NACC1: variants seen among roughly 807,000 people sequenced by gnomAD.
NACC1 encodes the protein nucleus accumbens-associated protein 1.
A neutral mutation model predicts 41.7 loss-of-function variants in NACC1; 6 were observed. That is an observed-to-expected ratio of 0.14 (90% CI 0.08 to 0.28). NACC1 has a LOEUF of 0.28. Among genes scored for constraint, NACC1 ranks in the 10% least tolerant of loss-of-function variants. The pLI is 1.00. For synonymous variants in NACC1, 338 were observed against 330.6 expected, an observed-to-expected ratio of 1.02 and a Z score of -0.24; for missense variants, 434 against 763.7, an observed-to-expected ratio of 0.57 and a Z score of 5.09.
rs769693821 is a variant in NACC1, at chr19:13,138,466, A to G, written c.*60A>G. ...CTCCCAACACACACACACACCTGCC[A>G]TCTTGGTCATGAGCTACTGTCTGTC... On this transcript the variant is annotated 3_prime_UTR_variant, in exon 6 of 6. Coordinates refer to ENST00000292431, the MANE Select transcript of NACC1 (RefSeq NM_052876.4). This position sits in a 1 kb window ranked among gnomAD's most constrained non-coding sequence, Gnocchi z 5.7. 728 of 1,580,676 alleles carry G rather than the reference A, an allele frequency of 4.6e-4. No homozygotes were observed. Among genetic ancestry groups the G allele is most frequent in the Non-Finnish European group, 6.0e-4 (705 of 1,167,734 alleles).
chr19:13,132,375 C>T (rs958918934), intron 1 of NACC1: 1 of 148,180 alleles, frequency 6.7e-6, no homozygotes, highest in African/African-American at 2.5e-5. Context: ...CACCACTGCA[C>T]TCCAGCCTGG....
rs2019744118 is a variant in NACC1 at position 13,138,788 on chromosome 19, CCT to C, written c.*384_*385del. ...CTCGCGGAAGCCTTCAGCCTCCGCC[CCT>C]CACTGCAGCCCCTTGGGACTTGAGG... On this transcript the variant is annotated 3_prime_UTR_variant, in exon 6 of 6. Transcript: ENST00000292431. The surrounding 1 kb of genome is among the most constrained non-coding windows in gnomAD (Gnocchi z 5.7). 4.1e-6 allele frequency: 1 copy of C among 244,974 alleles called. No individual in the cohort carries two copies. Among genetic ancestry groups the C allele is most frequent in the Non-Finnish European group, 8.1e-6 (1 of 123,110 alleles). The allele number at this position is 244,974 out of a possible 1,614,324, so 15.2% of individuals were successfully genotyped here.
chr19:13,130,582 C>A (rs889780711), intron 1 of NACC1, among the ~76,000 whole-genome samples: 3 of 142,258 alleles, frequency 2.1e-5, no homozygotes, highest in Non-Finnish European at 4.5e-5. Context: ...GTTGCCCAGG[C>A]TGGAGTGTAG....
chr19:13,134,045 G>GT (rs1168105731), intron 1 of NACC1, among the ~76,000 whole-genome samples: 2 of 152,116 alleles, frequency 1.3e-5, no homozygotes, highest in Non-Finnish European at 2.9e-5. Context: ...ATGTTTTCAT[G>GT]TAAGTTATTT....
upstream of NACC1, chr19:13,117,461 G>A (rs1408063034): frequency 6.6e-6 from 1 of 152,158 alleles, no homozygotes; most frequent in East Asian, 1.9e-4. Flanking sequence ...TGTCGCTTTT[G>A]AGCCTGTGTT....
At chr19:13,130,585 G>C (rs2019622109) in intron 1 of NACC1, among the ~76,000 whole-genome samples, 1 of 147,938 alleles carries the variant, frequency 6.8e-6, no homozygotes, top group South Asian at 2.1e-4. Flanking sequence ...GCCCAGGCTG[G>C]AGTGTAGTGA....
In NACC1 at chr19:13,138,723, T is replaced by G; in HGVS notation, c.*317T>G. ...GGCCCACCAGGGGAGGGGGCTGGCC[T>G]GGGGGTCTTGGGAAGGCCCCTCCCC... On this transcript the variant is annotated 3_prime_UTR_variant, in exon 6 of 6. Transcript: ENST00000292431. This position sits in a 1 kb window ranked among gnomAD's most constrained non-coding sequence, Gnocchi z 5.7. The G allele has an allele frequency of 2.7e-6, 1 of 373,794 alleles. No individual in the cohort carries two copies. Among genetic ancestry groups the G allele is most frequent in the East Asian group, 5.5e-5 (1 of 18,204 alleles). 23.2% of individuals were successfully genotyped at this position (373,794 alleles called of 1,614,324 possible). A position where few individuals can be genotyped will look rare whatever the true frequency, so the allele number is the denominator to read the frequency against.
At chr19:13,122,723 G>A (rs1199323301) in intron 1 of NACC1, among the ~76,000 whole-genome samples, 2 of 152,182 alleles carry the variant, frequency 1.3e-5, no homozygotes. Flanking sequence ...GGACAGTGCT[G>A]TGAAGGCTCT....
intron 1 of NACC1, among the ~76,000 whole-genome samples, chr19:13,129,253 T>C (rs2019601168): frequency 6.6e-6 from 1 of 152,000 alleles, no homozygotes; most frequent in African/African-American, 2.4e-5. Context: ...ATTAGGTGGT[T>C]TAGAGACCTC....
At chr19:13,125,786 C>T (rs1000118341) in intron 1 of NACC1, among the ~76,000 whole-genome samples, 2 of 151,922 alleles carry the variant, frequency 1.3e-5, no homozygotes, top group African/African-American at 4.8e-5. Context: ...GTTGCCCAGC[C>T]TAGAGTGCAG....
In NACC1 at chr19:13,136,293, T is replaced by G; in HGVS notation, c.1008T>G (p.Val336=). The G allele has an allele frequency of 6.2e-7, 1 of 1,614,054 alleles. No homozygotes were observed. Among genetic ancestry groups the G allele is most frequent in the South Asian group, 1.1e-5 (1 of 91,080 alleles). ...CCGAGTCCCGAAATCGCATCCGGGTTCGGCAAGACCTGGCGTCTCTCCCGG... is the reference window on the plus strand; with the variant it reads ...CCGAGTCCCGAAATCGCATCCGGGTGCGGCAAGACCTGGCGTCTCTCCCGG... ...VAPESRNRIR[V]RQDLASLPAE... is the part of the protein sequence containing the mutation. Residue 336 remains valine, a synonymous_variant, in exon 3 of 6, where the codon GTT becomes GTG. Transcript: ENST00000292431. This position sits in a 1 kb window ranked among gnomAD's most constrained non-coding sequence, Gnocchi z 5.5.
In NACC1 at chr19:13,137,027, G is replaced by A. The variant is rs141521114; in HGVS notation, c.1121-244G>A. On this transcript the variant is annotated intron_variant, in intron 3 of 5. Transcript: ENST00000292431. This position sits in a 1 kb window ranked among gnomAD's most constrained non-coding sequence, Gnocchi z 6.1. The stretch of plus-strand genomic sequence containing the variant: ...CGACTGGCCACACAGCAGGCACCCC[G>A]AGGATGGTGAAGCAACCCTTTCTGT... 5.3e-4 allele frequency among the ~76,000 whole-genome samples: 81 copies of A among 152,316 alleles called. No homozygotes were observed. Among genetic ancestry groups the A allele is most frequent in the African/African-American group, 1.8e-3 (73 of 41,562 alleles).
At position 13,136,382 on chromosome 19, in the gene NACC1, C is replaced by T; in HGVS notation, c.1097C>T (p.Ser366Phe). 1.2e-6 allele frequency: 2 copies of T among 1,613,650 alleles called. No homozygotes were observed. The highest frequency in any genetic ancestry group is 1.7e-6 in the Non-Finnish European group (2 of 1,179,758). Residue 366 changes from serine to phenylalanine, a missense_variant, in exon 3 of 6, where the codon TCT becomes TTT. Ser to Phe is a radical substitution (Grantham distance 155). Coordinates refer to ENST00000292431, the MANE Select transcript of NACC1 (RefSeq NM_052876.4). This position sits in a 1 kb window ranked among gnomAD's most constrained non-coding sequence, Gnocchi z 5.5. Reference sequence around the variant, plus strand: ...AAGCTCTACGACGAGGGCGACCCCTCTGAGAAGCTGGAGCTGGTGACAGGT... The same window carrying T: ...AAGCTCTACGACGAGGGCGACCCCTTTGAGAAGCTGGAGCTGGTGACAGGT... ...HPKLYDEGDP[S>F]EKLELVTGTN...
At chr19:13,125,839 A>C (rs1389713578) in intron 1 of NACC1, among the ~76,000 whole-genome samples, 3 of 152,010 alleles carry the variant, frequency 2.0e-5, no homozygotes, top group African/African-American at 7.2e-5. Context: ...TCCTAGGTTC[A>C]AGCAATTCTG....
In NACC1 at chr19:13,136,818, A is replaced by C. The variant is rs936778816; in HGVS notation, c.1120+413A>C. On this transcript the variant is annotated intron_variant, in intron 3 of 5. Transcript: ENST00000292431. The surrounding 1 kb of genome is among the most constrained non-coding windows in gnomAD (Gnocchi z 5.5). ...AAGGCTGCAGTGAGCTGTGGTGGCC[A>C]CTGCACTCCAGCCTGGGTGACAGAG... 1.3e-5 allele frequency among the ~76,000 whole-genome samples: 2 copies of C among 152,120 alleles called. No individual in the cohort carries two copies. Among genetic ancestry groups the C allele is most frequent in the African/African-American group, 4.8e-5 (2 of 41,416 alleles).
Position 13,137,267 on chromosome 19 carries a change from C to A in NACC1, c.1121-4C>A. 6.2e-7 allele frequency: 1 copy of A among 1,612,408 alleles called. No homozygotes were observed. The highest frequency in any genetic ancestry group is 2.3e-5 in the East Asian group (1 of 44,330). ...CAGGCCATCCTCCGGCTTCCTCTCA[C>A]CAGGCACCAACGTGTACATCACAAG... On this transcript the variant is annotated splice_region_variant and splice_polypyrimidine_tract_variant and intron_variant, in intron 3 of 5. Transcript: ENST00000292431. This position sits in a 1 kb window ranked among gnomAD's most constrained non-coding sequence, Gnocchi z 6.1.
Position 13,129,856 on chromosome 19 carries a change from C to T in NACC1, c.-8-5344C>T, listed in dbSNP as rs147849927. ...CCTATTATCCCCGTAACCTTTCAGT[C>T]TCCATTGCCAAATGGGGGGGTTCAA... On this transcript the variant is annotated intron_variant, in intron 1 of 5. Coordinates refer to ENST00000292431, the MANE Select transcript of NACC1 (RefSeq NM_052876.4). Among the ~76,000 whole-genome samples the T allele has an allele frequency of 2.9e-3, 440 of 151,974 alleles. 2 individuals carry two copies. Among genetic ancestry groups the T allele is most frequent in the African/African-American group, 0.01 (423 of 41,438 alleles).
intron 1 of NACC1, among the ~76,000 whole-genome samples, chr19:13,126,997 G>A (rs2019570653): frequency 6.6e-6 from 1 of 152,102 alleles, no homozygotes; most frequent in South Asian, 2.1e-4. Context: ...CACTTTGGGA[G>A]GCCAAGGCAG....
At chr19:13,129,503 C>G (rs2019605000) in intron 1 of NACC1, among the ~76,000 whole-genome samples, 1 of 152,130 alleles carries the variant, frequency 6.6e-6, no homozygotes, top group African/African-American at 2.4e-5. Context: ...TCTGCTCTGG[C>G]CCACACTGCA....
Sources: allele counts gnomAD v4.1 joint callset (sites outside exome capture counted in the v4.1 genomes callset), GRCh38; gene constraint gnomAD v4.1.1; non-coding constraint Gnocchi (gnomAD v3.1); transcripts MANE v1.5; gene names NCBI Gene and HGNC (gene_info 2026-07-23, HGNC 2026-07-21).